The following RTN4 variants were observed in gnomAD, a reference collection of about 807,000 sequenced individuals.
RTN4 encodes reticulon 4.
In RTN4, 32 loss-of-function variants were observed where a neutral mutation model predicts 90.4. The observed-to-expected ratio is 0.35, with a 90% CI of 0.27 to 0.48. RTN4 has a LOEUF of 0.48. Ranked by LOEUF, RTN4 falls within the 20% of genes least tolerant of loss-of-function variation. The probability of loss-of-function intolerance (pLI) is 0.99; values close to 1 mark genes in which losing one functional copy is unlikely to be tolerated. For missense variants in RTN4, 1,706 were observed against 1,430.2 expected (o/e 1.19, Z -3.11); for synonymous variants, 629 against 552.5 (o/e 1.14, Z -1.94).
chr2:54,980,186 GAAATT>G (rs1678003256), intron 5 of RTN4, among the ~76,000 whole-genome samples: 1 of 152,068 alleles, frequency 6.6e-6, no homozygotes, highest in African/African-American at 2.4e-5. Flanking sequence ...GTTTTCAAAA[GAAATT>G]AAAATATAAG....
chr2:55,014,240 A>G (rs749989825), intron 3 of RTN4, among the ~76,000 whole-genome samples: 4 of 152,148 alleles, frequency 2.6e-5, no homozygotes, highest in Non-Finnish European at 5.9e-5. Context: ...AAATAGCAAA[A>G]CAACGAGCAT....
chr2:55,019,603 C>T (rs10198096), intron 3 of RTN4, among the ~76,000 whole-genome samples: 17,438 of 152,108 alleles, frequency 0.11, 1,482 homozygotes, highest in African/African-American at 0.24. Flanking sequence ...TAGGAAACAT[C>T]GGACAAATCC....
intron 1 of RTN4, among the ~76,000 whole-genome samples, chr2:55,094,338 T>C (rs2968808): frequency 0.26 from 39,981 of 152,128 alleles, 6,169 homozygotes; most frequent in East Asian, 0.46. Flanking sequence ...GAAATACATG[T>C]TTGTTGTTGA....
At chr2:55,107,593 C>T (rs570217480) in intron 1 of RTN4, among the ~76,000 whole-genome samples, 1 of 151,870 alleles carries the variant, frequency 6.6e-6, no homozygotes, top group African/African-American at 2.4e-5. Flanking sequence ...CTTATTTGAA[C>T]AACAAGGCTG....
intron 1 of RTN4, among the ~76,000 whole-genome samples, chr2:55,111,698 A>G (rs557168314): frequency 5.3e-5 from 8 of 152,306 alleles, no homozygotes; most frequent in African/African-American, 1.7e-4. Context: ...AGGAAATTCA[A>G]CGAAATCGAA....
chr2:55,045,093 C>T (rs969952149), intron 1 of RTN4, among the ~76,000 whole-genome samples: 3 of 152,156 alleles, frequency 2.0e-5, no homozygotes, highest in South Asian at 2.1e-4. Flanking sequence ...CATGCTACTA[C>T]GCCAATAAAA....
intron 2 of RTN4, among the ~76,000 whole-genome samples, chr2:55,076,875 C>T (rs1023577962): frequency 5.3e-5 from 8 of 152,156 alleles, no homozygotes; most frequent in African/African-American, 1.4e-4. Context: ...ACTTCTCTCT[C>T]TTGCAACCTT....
intron 1 of RTN4, among the ~76,000 whole-genome samples, chr2:55,090,006 A>G (rs1289647022): frequency 6.6e-6 from 1 of 152,244 alleles, no homozygotes; most frequent in South Asian, 2.1e-4. Context: ...AAGTTGAGAA[A>G]GGCTTACTTT....
At chr2:55,080,046 GA>G (rs1304786220) in intron 2 of RTN4, among the ~76,000 whole-genome samples, 1 of 152,078 alleles carries the variant, frequency 6.6e-6, no homozygotes, top group Non-Finnish European at 1.5e-5. Context: ...GGGGACAGGG[GA>G]CAGGGTCCTC....
chr2:55,055,734 C>T (rs992308100), upstream of RTN4, among the ~76,000 whole-genome samples: 1 of 150,180 alleles, frequency 6.7e-6, no homozygotes, highest in African/African-American at 2.5e-5. Flanking sequence ...CGCGCCACTG[C>T]ACTCCAGCCT....
intron 5 of RTN4, among the ~76,000 whole-genome samples, chr2:54,976,714 A>G (rs1677664870): frequency 6.6e-6 from 1 of 152,240 alleles, no homozygotes; most frequent in African/African-American, 2.4e-5. Flanking sequence ...AGTAACCATT[A>G]TTAATGGGAA....
At chr2:55,077,532 T>C (rs1444763381) in intron 2 of RTN4, among the ~76,000 whole-genome samples, 1 of 152,040 alleles carries the variant, frequency 6.6e-6, no homozygotes, top group Non-Finnish European at 1.5e-5. Flanking sequence ...TGAAAACTAG[T>C]ACAACCACTA....
At chr2:55,105,231 T>TG (rs1667923931) in intron 1 of RTN4, among the ~76,000 whole-genome samples, 1 of 144,336 alleles carries the variant, frequency 6.9e-6, no homozygotes, top group Non-Finnish European at 1.5e-5. Context: ...ATTGAAGTTT[T>TG]TTTTTTTTTT....
chr2:55,028,160 T>G lies in RTN4; in HGVS notation c.613+4A>C. 1 of 1,611,408 alleles carries G rather than the reference T, an allele frequency of 6.2e-7. No homozygotes were observed. The highest frequency in any genetic ancestry group is 8.5e-7 in the Non-Finnish European group (1 of 1,178,672). ...AGGATAAAAGGCTGGCAGAAAGAAC[T>G]TGCCTGCAGAGGAGCGTATCACAGG... is the stretch of plus-strand genomic sequence containing the variant. On this transcript the variant is annotated splice_donor_region_variant and intron_variant, in intron 2 of 8. Transcript: ENST00000337526.
At chr2:55,119,316 C>T in the RTN4 span, among the ~76,000 whole-genome samples, 81 of 152,290 alleles carry the variant, frequency 5.3e-4, 1 homozygote, top group African/African-American at 1.8e-3. Context: ...TATGCCTCTA[C>T]GTATAATGGT....
chr2:55,049,077 AC>A, intron 1 of RTN4: 1 of 985,060 alleles, frequency 1.0e-6, no homozygotes. Flanking sequence ...GCAGGACTTT[AC>A]CAGAACTCTC....
chr2:55,127,256 GTTC>G, the RTN4 span, among the ~76,000 whole-genome samples: 2 of 152,148 alleles, frequency 1.3e-5, no homozygotes, highest in African/African-American at 4.8e-5. Context: ...GTGTTCCGCT[GTTC>G]TTCAGAACAA....
At chr2:55,015,538 C>A (rs746014032) in intron 3 of RTN4, among the ~76,000 whole-genome samples, 6 of 152,058 alleles carry the variant, frequency 3.9e-5, no homozygotes, top group Non-Finnish European at 7.4e-5. Flanking sequence ...AAAATGAACA[C>A]CTACATTTAA....
the RTN4 span, among the ~76,000 whole-genome samples, chr2:55,132,813 CAA>C: frequency 1.7e-5 from 2 of 116,044 alleles, no homozygotes; most frequent in Non-Finnish European, 1.8e-5. Context: ...GACCGTCTCT[CAA>C]AAAAAAAAAA....
Sources: gnomAD v4.1 joint callset for allele counts (sites outside exome capture counted in the v4.1 genomes callset) on GRCh38, gnomAD v4.1.1 for gene constraint, MANE v1.5 for transcripts, NCBI Gene and HGNC (gene_info 2026-07-23, HGNC 2026-07-21) for gene names.